FSTL5: variants seen among roughly 807,000 people sequenced by gnomAD.
The protein encoded by FSTL5 is follistatin-related protein 5.
In FSTL5, 62 loss-of-function variants were observed where a neutral mutation model predicts 89.1. The observed-to-expected ratio is 0.70, with a 90% CI of 0.57 to 0.86. The LOEUF is 0.86. Among genes scored for constraint, FSTL5 ranks in the 40% least tolerant of loss-of-function variants. The probability of loss-of-function intolerance (pLI) is 0.00; values close to 1 mark genes in which losing one functional copy is unlikely to be tolerated. For synonymous variants in FSTL5, 383 were observed against 346.2 expected (o/e 1.11, Z -1.18); for missense variants, 1,057 against 1,001.6 (o/e 1.06, Z -0.75).
At chr4:161,633,407 C>A (rs551920279) in intron 7 of FSTL5, among the ~76,000 whole-genome samples, 1 of 151,498 alleles carries the variant, frequency 6.6e-6, no homozygotes, top group East Asian at 1.9e-4. Context: ...AGTGCAGTGG[C>A]GCGATCGCGG....
chr4:161,632,227 A>C (rs1018342951), intron 7 of FSTL5, among the ~76,000 whole-genome samples: 8 of 152,036 alleles, frequency 5.3e-5, no homozygotes, highest in Non-Finnish European at 7.4e-5. Context: ...AAAAATACAA[A>C]AAATTAGTTG....
chr4:161,480,958 T>G lies in FSTL5; in HGVS notation c.1608+62A>C, dbSNP rs1409413572. The G allele has an allele frequency of 3.5e-6, 4 of 1,150,694 alleles. No individual in the cohort carries two copies. In the African/African-American group the frequency reaches 6.4e-5, roughly 18 times the overall value. 71.3% of individuals were successfully genotyped at this position (1,150,694 alleles called of 1,614,324 possible). A position where few individuals can be genotyped will look rare whatever the true frequency, so the allele number is the denominator to read the frequency against. On this transcript the variant is annotated intron_variant, in intron 13 of 15. Transcript: ENST00000306100. Reference sequence around the variant, plus strand: ...GACAATCAAGTTACCTGGTAAAGATTACTACAATGATATAAATATTTTTTA... The same window carrying G: ...GACAATCAAGTTACCTGGTAAAGATGACTACAATGATATAAATATTTTTTA...
intron 7 of FSTL5, among the ~76,000 whole-genome samples, chr4:161,597,708 T>G (rs202032672): frequency 6.6e-6 from 1 of 151,516 alleles, no homozygotes; most frequent in Non-Finnish European, 1.5e-5. Flanking sequence ...CCTATGGCAG[T>G]TGTCCTGAGT....
At chr4:161,800,559 T>C (rs765746064) in intron 4 of FSTL5, among the ~76,000 whole-genome samples, 5 of 151,674 alleles carry the variant, frequency 3.3e-5, no homozygotes, top group African/African-American at 9.7e-5. Context: ...TTGTTCTCAA[T>C]TGAGACAGAA....
intron 7 of FSTL5, among the ~76,000 whole-genome samples, chr4:161,610,462 C>T (rs1170607194): frequency 6.6e-6 from 1 of 152,164 alleles, no homozygotes; most frequent in African/African-American, 2.4e-5. Context: ...GATTCTATCC[C>T]TTTGCTACAG....
chr4:161,410,986 T>TAGATTAACAAAGAAAAAAAAAGAGAAG (rs758247505), intron 15 of FSTL5, among the ~76,000 whole-genome samples: 1 of 149,756 alleles, frequency 6.7e-6, no homozygotes, highest in Non-Finnish European at 1.5e-5. Flanking sequence ...GACCTTTAGC[T>TAGATTAACAAAGAAAAAAAAAGAGAAG]ATCAATCAGA....
chr4:161,392,215 G>T (rs1337753795), intron 15 of FSTL5, among the ~76,000 whole-genome samples: 2 of 131,096 alleles, frequency 1.5e-5, no homozygotes, highest in African/African-American at 5.5e-5. Context: ...GGCTAAATCA[G>T]ATTTTTAAAT....
Position 161,899,730 on chromosome 4 carries a change from T to C in FSTL5, c.409+20674A>G, listed in dbSNP as rs573042695. Among the ~76,000 whole-genome samples, 6 of 152,248 alleles carry C rather than the reference T, an allele frequency of 3.9e-5. No individual in the cohort carries two copies. The East Asian group carries it at 7.7e-4, about 20-fold the overall frequency. On this transcript the variant is annotated intron_variant, in intron 4 of 15. Transcript: ENST00000306100. ...AAGACAGACAATATATGTTGACAAG[T>C]AAGTAAACCAAAGACAAAGTGAACT...
chr4:161,970,633 C>T (rs1156576824), intron 3 of FSTL5, among the ~76,000 whole-genome samples: 1 of 151,970 alleles, frequency 6.6e-6, no homozygotes, highest in Non-Finnish European at 1.5e-5. Flanking sequence ...CAGTGGAAAA[C>T]AGAGATTTTC....
chr4:161,416,782 T>G (rs889182863), intron 15 of FSTL5, among the ~76,000 whole-genome samples: 12 of 151,122 alleles, frequency 7.9e-5, no homozygotes, highest in Admixed American at 6.6e-5. Flanking sequence ...GAGGTGGAGC[T>G]TGCAGTAAGC....
chr4:161,930,809 C>A (rs1192887758), intron 3 of FSTL5, among the ~76,000 whole-genome samples: 2 of 151,882 alleles, frequency 1.3e-5, no homozygotes, highest in Non-Finnish European at 2.9e-5. Flanking sequence ...TGAATTATTT[C>A]ATTTCCCCTA....
At chr4:161,968,808 G>A (rs1300758690) in intron 3 of FSTL5, among the ~76,000 whole-genome samples, 1 of 152,094 alleles carries the variant, frequency 6.6e-6, no homozygotes, top group East Asian at 1.9e-4. Flanking sequence ...GCCAAATATG[G>A]TCACTTTAGC....
intron 4 of FSTL5, among the ~76,000 whole-genome samples, chr4:161,841,474 A>C (rs1350866350): frequency 6.6e-6 from 1 of 152,170 alleles, no homozygotes; most frequent in Non-Finnish European, 1.5e-5. Flanking sequence ...TCCTTATATA[A>C]TATTTGGAAT....
At chr4:161,778,260 G>A (rs1468836772) in intron 4 of FSTL5, among the ~76,000 whole-genome samples, 1 of 152,098 alleles carries the variant, frequency 6.6e-6, no homozygotes, top group Non-Finnish European at 1.5e-5. Context: ...TACAGCAAAT[G>A]CGATATGAAA....
rs111282485 is a variant in FSTL5 at position 161,694,493 on chromosome 4, T to G, written c.728-37999A>C. Among the ~76,000 whole-genome samples, 539 of 152,258 alleles carry G rather than the reference T, an allele frequency of 3.5e-3. 2 individuals carry two copies. The highest frequency in any genetic ancestry group is 0.012 in the African/African-American group (499 of 41,572). On this transcript the variant is annotated intron_variant, in intron 6 of 15. Coordinates refer to ENST00000306100, the MANE Select transcript of FSTL5 (RefSeq NM_020116.5). ...GTTTGTTATTGATATTCTCTACTTATTCTTACATCATACCCTGCTTTTCAT... is the reference window on the plus strand; with the variant it reads ...GTTTGTTATTGATATTCTCTACTTAGTCTTACATCATACCCTGCTTTTCAT...
At chr4:161,615,299 A>C (rs762209244) in intron 7 of FSTL5, among the ~76,000 whole-genome samples, 21,187 of 132,066 alleles carry the variant, frequency 0.16, 2,184 homozygotes, top group Middle Eastern at 0.3. Flanking sequence ...GTCTCAAAAA[A>C]AAAAAAAAAA....
chr4:162,097,837 C>T (rs939222279), intron 2 of FSTL5, among the ~76,000 whole-genome samples: 9 of 151,816 alleles, frequency 5.9e-5, no homozygotes, highest in Admixed American at 5.9e-4. Flanking sequence ...AAAATGTGGA[C>T]CACCTGGAAA....
chr4:162,017,487 T>A (rs1340323728), intron 3 of FSTL5, among the ~76,000 whole-genome samples: 1 of 152,226 alleles, frequency 6.6e-6, no homozygotes, highest in African/African-American at 2.4e-5. Context: ...GTGTTAATTT[T>A]ACAACAGAAA....
At chr4:161,940,881 C>A (rs765486385) in intron 3 of FSTL5, among the ~76,000 whole-genome samples, 1 of 151,550 alleles carries the variant, frequency 6.6e-6, no homozygotes, top group Non-Finnish European at 1.5e-5. Context: ...AAATACAAAA[C>A]CAGTATTATT....
Sources: allele counts gnomAD v4.1 joint callset (sites outside exome capture counted in the v4.1 genomes callset), GRCh38; gene constraint gnomAD v4.1.1; transcripts MANE v1.5; gene names NCBI Gene and HGNC (gene_info 2026-07-23, HGNC 2026-07-21).